Variants in GRHL1 observed in about 807,000 individuals in gnomAD.
GRHL1 encodes the protein grainyhead like transcription factor 1.
GRHL1 carries 38 observed loss-of-function variants against 75.7 expected under a neutral mutation model. The ratio of observed to expected loss-of-function variants is 0.50; its 90% CI spans 0.39 to 0.66. The LOEUF (loss-of-function observed/expected upper bound fraction) is 0.66, where lower values mean the gene tolerates loss of function less well. Among genes scored for constraint, GRHL1 ranks in the 30% least tolerant of loss-of-function variants. The pLI is 0.00. For synonymous variants in GRHL1, 266 were observed against 279.4 expected (o/e 0.95, Z 0.48); for missense variants, 589 against 767.5 (o/e 0.77, Z 2.75).
chr2:9,991,094 G>A (rs534363459), intron 10 of GRHL1, among the ~76,000 whole-genome samples: 1 of 152,152 alleles, frequency 6.6e-6, no homozygotes, highest in Non-Finnish European at 1.5e-5. Context: ...ATTTTTTAAA[G>A]TAATAATAAT....
intron 8 of GRHL1, among the ~76,000 whole-genome samples, chr2:9,977,367 C>G (rs532084313): frequency 6.6e-6 from 1 of 152,322 alleles, no homozygotes; most frequent in East Asian, 1.9e-4. Flanking sequence ...GTCACTCAGG[C>G]TGGAGTGCAG....
chr2:9,980,010 A>C (rs1168091209), intron 8 of GRHL1, among the ~76,000 whole-genome samples: 1 of 152,134 alleles, frequency 6.6e-6, no homozygotes, highest in Non-Finnish European at 1.5e-5. Flanking sequence ...CTTTACTGGA[A>C]TTGTGTCTTG....
In GRHL1 at chr2:9,987,385, C is replaced by T. The variant is rs1668467453; in HGVS notation, c.1269+1103C>T. On this transcript the variant is annotated intron_variant, in intron 9 of 15. Transcript: ENST00000324907. This position sits in a 1 kb window ranked among gnomAD's most constrained non-coding sequence, Gnocchi z 4.2. ...GGGTTGATAAGTACGTTTTGTTGGG[C>T]ATGTCTGATAAGTAAAGGAGGTGCA... 6.6e-6 allele frequency among the ~76,000 whole-genome samples: 1 copy of T among 152,158 alleles called. No homozygotes were observed. The highest frequency in any genetic ancestry group is 6.5e-5 in the Admixed American group (1 of 15,290).
chr2:9,989,290 A>G (rs565349866), intron 9 of GRHL1, among the ~76,000 whole-genome samples: 19 of 152,214 alleles, frequency 1.2e-4, no homozygotes, highest in Admixed American at 6.5e-4. Flanking sequence ...TTTAACAGAA[A>G]AATAAGCTAC....
intron 15 of GRHL1, among the ~76,000 whole-genome samples, chr2:9,999,764 A>T (rs1332668948): frequency 6.6e-6 from 1 of 152,248 alleles, no homozygotes; most frequent in Non-Finnish European, 1.5e-5. Flanking sequence ...TTTTTGGCTT[A>T]GTTTTAAAAC....
rs369881446 is a variant in GRHL1, at chr2:9,951,884, G to A, written c.20+31G>A. ...TGAGGCGCAGGAGTCCGGCCGCCGC[G>A]GGGGGGCCGCGCTGAGGGGCCGCAC... On this transcript the variant is annotated intron_variant, in intron 1 of 15. Coordinates refer to ENST00000324907, the MANE Select transcript of GRHL1 (RefSeq NM_198182.3). This position sits in a 1 kb window ranked among gnomAD's most constrained non-coding sequence, Gnocchi z 4.2. 2.1e-6 allele frequency: 3 copies of A among 1,412,610 alleles called. No individual in the cohort carries two copies. Among genetic ancestry groups the A allele is most frequent in the East Asian group, 3.2e-5 (1 of 30,778 alleles). 87.5% of individuals were successfully genotyped at this position (1,412,610 alleles called of 1,614,324 possible).
intron 8 of GRHL1, among the ~76,000 whole-genome samples, chr2:9,975,598 C>A (rs1464534780): frequency 6.6e-6 from 1 of 152,080 alleles, no homozygotes; most frequent in Non-Finnish European, 1.5e-5. Flanking sequence ...TAAACACAGG[C>A]CGGGCGCGGT....
At chr2:9,995,233 C>G (rs1334564863) in intron 12 of GRHL1, 1 of 152,244 alleles carries the variant, frequency 6.6e-6, no homozygotes, top group African/African-American at 2.4e-5. Context: ...AACATCATCT[C>G]CTTTGTCACT....
chr2:9,963,687 G>A (rs1386736741), intron 5 of GRHL1, among the ~76,000 whole-genome samples, 199 bp from the exon 6 acceptor site: 1 of 152,068 alleles, frequency 6.6e-6, no homozygotes, highest in Non-Finnish European at 1.5e-5. Flanking sequence ...TCCGATTACT[G>A]ACATCCATCA....
chr2:9,998,471 TA>T (rs1668989119), intron 14 of GRHL1, among the ~76,000 whole-genome samples: 1 of 52,052 alleles, frequency 1.9e-5, no homozygotes, highest in African/African-American at 8.6e-5. Context: ...TATATATACG[TA>T]TATATATACA....
intron 12 of GRHL1, among the ~76,000 whole-genome samples, chr2:9,994,963 T>C (rs912707638): frequency 6.6e-6 from 1 of 152,170 alleles, no homozygotes; most frequent in Non-Finnish European, 1.5e-5. Context: ...GTTTTTCTGC[T>C]TGAAGGTCCT....
chr2:9,961,244 A>G lies in GRHL1; in HGVS notation c.477A>G (p.Thr159=). The G allele has an allele frequency of 6.2e-7, 1 of 1,614,212 alleles. No homozygotes were observed. The highest frequency in any genetic ancestry group is 8.5e-7 in the Non-Finnish European group (1 of 1,180,036). ...CGATGCCTACCCACTCCATCAAGAC[A>G]GAAACCCAGCCACATGGCTTCGCTG... The part of the protein sequence containing the change: ...IATMPTHSIK[T]ETQPHGFAVG... The change falls in exon 4 of 16, where the codon ACA becomes ACG. Residue 159 remains threonine, a synonymous_variant. Coordinates refer to ENST00000324907, the MANE Select transcript of GRHL1 (RefSeq NM_198182.3).
rs1444153507 is a variant in GRHL1, at chr2:9,987,998, G to A, written c.1269+1716G>A. ...GTCAGAGGCCTGGTCTGTCACCCTG[G>A]CTTTTGCATCAGGTACACAAAGCAC... On this transcript the variant is annotated intron_variant, in intron 9 of 15. Transcript: ENST00000324907. The surrounding 1 kb of genome is among the most constrained non-coding windows in gnomAD (Gnocchi z 4.2). Among the ~76,000 whole-genome samples the A allele has an allele frequency of 6.6e-6, 1 of 152,110 alleles. No homozygotes were observed. Among genetic ancestry groups the A allele is most frequent in the Non-Finnish European group, 1.5e-5 (1 of 68,026 alleles).
chr2:9,967,431 T>G (rs1667539334), intron 8 of GRHL1, among the ~76,000 whole-genome samples: 1 of 152,252 alleles, frequency 6.6e-6, no homozygotes, highest in Non-Finnish European at 1.5e-5. Context: ...TGGCTTGTTT[T>G]ATTCTGAAGG....
chr2:9,999,205 A>G (rs1223286830), intron 15 of GRHL1, among the ~76,000 whole-genome samples, 176 bp downstream of exon 15: 1 of 152,166 alleles, frequency 6.6e-6, no homozygotes, highest in Non-Finnish European at 1.5e-5. Flanking sequence ...ACACGTGTGC[A>G]TCGTGCCCAG....
rs1034006591 is a variant in GRHL1 at position 9,987,486 on chromosome 2, C to T, written c.1269+1204C>T. 5.3e-5 allele frequency among the ~76,000 whole-genome samples: 8 copies of T among 152,162 alleles called. No homozygotes were observed. The highest frequency in any genetic ancestry group is 1.0e-4 in the Non-Finnish European group (7 of 68,022). On this transcript the variant is annotated intron_variant, in intron 9 of 15. Transcript: ENST00000324907. The surrounding 1 kb of genome is among the most constrained non-coding windows in gnomAD (Gnocchi z 4.2). The stretch of plus-strand genomic sequence containing the variant: ...ACGGGAGCTCTTCCTTAGCTGTGTC[C>T]GAGTGGCTGAATCACAAAGTGCTGT...
chr2:9,991,900 T>C lies in GRHL1; in HGVS notation c.1322-107T>C, dbSNP rs965440924. Reference sequence around the variant, plus strand: ...TGCCCTGTTGTATCTTACAGAGTGCTACACTTGGAGTATCTTACTCAGAGG... The same window carrying C: ...TGCCCTGTTGTATCTTACAGAGTGCCACACTTGGAGTATCTTACTCAGAGG... On this transcript the variant is annotated intron_variant, in intron 10 of 15. Transcript: ENST00000324907. 6.2e-6 allele frequency: 5 copies of C among 800,688 alleles called. No homozygotes were observed. In the African/African-American group the frequency reaches 6.9e-5, roughly 11 times the overall value. The allele number at this position is 800,688 out of a possible 1,614,324, so 49.6% of individuals were successfully genotyped here.
intron 8 of GRHL1, among the ~76,000 whole-genome samples, chr2:9,983,335 C>T (rs1356101261): frequency 6.6e-6 from 1 of 151,978 alleles, no homozygotes; most frequent in Admixed American, 6.5e-5. Flanking sequence ...GAATTAGGAC[C>T]ATTGTCAACT....
intron 2 of GRHL1, among the ~76,000 whole-genome samples, chr2:9,957,531 T>C (rs1667085640): frequency 6.6e-6 from 1 of 152,020 alleles, no homozygotes; most frequent in Non-Finnish European, 1.5e-5. Context: ...TGCCTCAGCC[T>C]CCCGAGTAGC....
Sources: allele counts gnomAD v4.1 joint callset (sites outside exome capture counted in the v4.1 genomes callset), GRCh38; gene constraint gnomAD v4.1.1; non-coding constraint Gnocchi (gnomAD v3.1); transcripts MANE v1.5; gene names NCBI Gene and HGNC (gene_info 2026-07-23, HGNC 2026-07-21).